Variants in CHD9 observed in about 807,000 individuals in gnomAD.
CHD9 encodes the protein ATP-dependent chromatin remodeler CHD9.
Under a neutral mutation model 316.1 loss-of-function variants are expected in CHD9, and 77 were observed. That is an observed-to-expected ratio of 0.24 (90% CI 0.20 to 0.29). The LOEUF is 0.29. Ranked by LOEUF, CHD9 falls within the 10% of genes least tolerant of loss-of-function variation. The pLI, the probability that CHD9 is intolerant of heterozygous loss-of-function variation, is 1.00. For missense variants in CHD9, 2,763 were observed against 3,438.1 expected (o/e 0.80, Z 4.91); for synonymous variants, 1,129 against 1,158.3 (o/e 0.97, Z 0.51).
chr16:53,133,817 T>C (rs887327729), intron 1 of CHD9, among the ~76,000 whole-genome samples: 5 of 152,212 alleles, frequency 3.3e-5, no homozygotes, highest in African/African-American at 1.2e-4. Flanking sequence ...TGCAACCGAA[T>C]GCTTTCTACA....
chr16:53,209,525 A>T lies in CHD9; in HGVS notation c.1496A>T (p.Lys499Met). 1.9e-6 allele frequency: 3 copies of T among 1,613,806 alleles called. No homozygotes were observed. The South Asian group carries it at 3.3e-5, about 18-fold the overall frequency. ...KKSDGSGTYT[K>M]LQNTQVRVMS... is the part of the protein sequence containing the mutation. The stretch of plus-strand genomic sequence containing the variant: ...AGCGATGGTTCTGGGACATATACTA[A>T]GTTGCAGAATACCCAGGTGAGGGTC... Residue 499 changes from lysine (K) to methionine (M), a missense_variant, in exon 3 of 39, where the codon AAG (lysine) becomes ATG (methionine). By Grantham distance (95) the Lys-to-Met change is moderately conservative. Transcript: ENST00000447540.
chr16:53,077,924 A>C (rs2034684200), intron 1 of CHD9, among the ~76,000 whole-genome samples: 1 of 152,156 alleles, frequency 6.6e-6, no homozygotes, highest in Non-Finnish European at 1.5e-5. Flanking sequence ...AAATACAAAA[A>C]TTAGCCAGGC....
At chr16:53,182,324 A>G (rs2152808300) in intron 2 of CHD9, among the ~76,000 whole-genome samples, 1 of 152,278 alleles carries the variant, frequency 6.6e-6, no homozygotes, top group East Asian at 1.9e-4. Flanking sequence ...CCTCCCAAGT[A>G]GTTGGGACCA....
chr16:53,236,574 T>TTCTC (rs373323219), intron 11 of CHD9, among the ~76,000 whole-genome samples: 1 of 151,234 alleles, frequency 6.6e-6, no homozygotes, highest in Non-Finnish European at 1.5e-5. Flanking sequence ...TTGGCTCTGC[T>TTCTC]TCTCTCTCTC....
intron 24 of CHD9, among the ~76,000 whole-genome samples, chr16:53,277,514 G>C (rs1226092639): frequency 6.6e-6 from 1 of 152,074 alleles, no homozygotes; most frequent in Non-Finnish European, 1.5e-5. Context: ...GATCATTTCA[G>C]TAAACACAAA....
intron 1 of CHD9, among the ~76,000 whole-genome samples, chr16:53,095,382 C>A (rs940624004): frequency 6.6e-6 from 1 of 151,390 alleles, no homozygotes; most frequent in Non-Finnish European, 1.5e-5. Flanking sequence ...CCTGTCTCTA[C>A]AAAAAAATTT....
At chr16:53,142,153 GC>G (rs1221979451) in intron 1 of CHD9, among the ~76,000 whole-genome samples, 1 of 152,070 alleles carries the variant, frequency 6.6e-6, no homozygotes, top group East Asian at 1.9e-4. Flanking sequence ...GATATAACAG[GC>G]TTGGATCTTG....
At chr16:53,139,154 A>C (rs980372857) in intron 1 of CHD9, among the ~76,000 whole-genome samples, 21 of 152,204 alleles carry the variant, frequency 1.4e-4, no homozygotes, top group Admixed American at 3.3e-4. Flanking sequence ...TCCATCTGAA[A>C]AGATGGTTAT....
chr16:53,250,837 T>C (rs1007272907), intron 17 of CHD9, among the ~76,000 whole-genome samples: 2 of 152,086 alleles, frequency 1.3e-5, no homozygotes, highest in African/African-American at 4.8e-5. Context: ...TTTATAAAAC[T>C]AGTCAAGTGT....
At chr16:53,138,442 TA>T (rs1456436082) in intron 1 of CHD9, among the ~76,000 whole-genome samples, 3 of 152,180 alleles carry the variant, frequency 2.0e-5, no homozygotes, top group African/African-American at 7.2e-5. Flanking sequence ...TTACATGTCG[TA>T]TTAAACTACT....
intron 2 of CHD9, among the ~76,000 whole-genome samples, chr16:53,190,337 T>G (rs1259441581): frequency 6.6e-6 from 1 of 152,148 alleles, no homozygotes; most frequent in Non-Finnish European, 1.5e-5. Context: ...TTTATAGTTT[T>G]GCTACCCAAT....
At position 53,125,093 on chromosome 16, in the gene CHD9, G is replaced by C. The variant is rs900789895; in HGVS notation, c.-164-30833G>C. On this transcript the variant is annotated intron_variant, in intron 1 of 38. Transcript: ENST00000447540. The stretch of plus-strand genomic sequence containing the variant: ...TTGAAGAAATGTCTACTCAGATACT[G>C]TGACCACTTTTTAATTGGATTATTT... Among the ~76,000 whole-genome samples, 5 of 152,062 alleles carry C rather than the reference G, an allele frequency of 3.3e-5. No individual in the cohort carries two copies. The South Asian group carries it at 1.0e-3, about 31-fold the overall frequency.
At chr16:53,239,005 T>C (rs1567539312) in intron 12 of CHD9, among the ~76,000 whole-genome samples, 1 of 152,156 alleles carries the variant, frequency 6.6e-6, no homozygotes, top group Admixed American at 6.5e-5. Context: ...CCTGTTGAGG[T>C]GAGACCATAG....
chr16:53,144,467 C>A (rs1040011834), intron 1 of CHD9, among the ~76,000 whole-genome samples: 1 of 151,904 alleles, frequency 6.6e-6, no homozygotes, highest in Non-Finnish European at 1.5e-5. Context: ...TCTCTTGGAA[C>A]CTTTTGTCCT....
At chr16:53,146,419 G>GTATGTATATATGTATATATATA (rs59577921) in intron 1 of CHD9, among the ~76,000 whole-genome samples, 1 of 76,714 alleles carries the variant, frequency 1.3e-5, no homozygotes, top group Non-Finnish European at 2.4e-5. Context: ...GTGTGTGTAT[G>GTATGTATATATGTATATATATA]TATATATATA....
At chr16:53,246,025 A>G (rs2049554741) in intron 15 of CHD9, among the ~76,000 whole-genome samples, 175 bp downstream of exon 15, 1 of 152,200 alleles carries the variant, frequency 6.6e-6, no homozygotes, top group South Asian at 2.1e-4. Flanking sequence ...ACAGTGACTG[A>G]TGTTAACACA....
intron 1 of CHD9, among the ~76,000 whole-genome samples, chr16:53,117,921 G>GT (rs2038440878): frequency 6.6e-6 from 1 of 151,126 alleles, no homozygotes; most frequent in Non-Finnish European, 1.5e-5. Flanking sequence ...TGCCTCCCAG[G>GT]TTCATGACAT....
intron 31 of CHD9, 87 bp from the exon 32 acceptor site, chr16:53,306,150 G>T: frequency 4.3e-6 from 3 of 699,642 alleles, no homozygotes; most frequent in South Asian, 5.8e-5. Context: ...TCATTTTCAG[G>T]TGTTTCTGAA....
At chr16:53,142,626 A>G (rs906619741) in intron 1 of CHD9, among the ~76,000 whole-genome samples, 1 of 152,180 alleles carries the variant, frequency 6.6e-6, no homozygotes, top group Non-Finnish European at 1.5e-5. Flanking sequence ...AGGTTTTAAG[A>G]ACCACTCAAG....
Sources: gnomAD v4.1 joint callset for allele counts (sites outside exome capture counted in the v4.1 genomes callset) on GRCh38, gnomAD v4.1.1 for gene constraint, MANE v1.5 for transcripts, NCBI Gene and HGNC (gene_info 2026-07-23, HGNC 2026-07-21) for gene names.